ACSM5: variants seen among roughly 807,000 people sequenced by gnomAD.
ACSM5 encodes acyl-CoA synthetase medium chain family member 5.
ACSM5 carries 56 observed loss-of-function variants against 71.6 expected under a neutral mutation model. The observed-to-expected ratio is 0.78, with a 90% CI of 0.63 to 0.98. The LOEUF (loss-of-function observed/expected upper bound fraction) is 0.98. ACSM5 is among the 50% of genes least tolerant of loss of function. ACSM5 has a pLI of 0.00. For synonymous variants in ACSM5, 285 were observed against 281.5 expected, an observed-to-expected ratio of 1.01 and a Z score of -0.12; for missense variants, 723 against 726.0, an observed-to-expected ratio of 1.00 and a Z score of 0.05.
chr16:20,412,836 A>G (rs141403121), intron 2 of ACSM5, among the ~76,000 whole-genome samples: 1 of 152,376 alleles, frequency 6.6e-6, no homozygotes, highest in Non-Finnish European at 1.5e-5. Context: ...CATGTTAATT[A>G]TAAGAAGAGA....
intron 10 of ACSM5, among the ~76,000 whole-genome samples, chr16:20,432,798 G>A (rs900850084): frequency 3.6e-5 from 4 of 111,448 alleles, no homozygotes; most frequent in African/African-American, 1.5e-4. Flanking sequence ...TTTTTTGACT[G>A]TTTCTTTCCG....
rs148288622 is a variant in ACSM5, at chr16:20,429,625, G to A, written c.1002-53G>A. The A allele has an allele frequency of 6.5e-5, 105 of 1,610,412 alleles. 1 individual carries two copies. The highest frequency in any genetic ancestry group is 2.9e-4 in the South Asian group (26 of 90,794). On this transcript the variant is annotated intron_variant, in intron 7 of 13. Coordinates refer to ENST00000331849, the MANE Select transcript of ACSM5 (RefSeq NM_017888.3). ...CATCTGGGCAGTGGCACCAGAGGGCGGGGTGATATGAAGATCCTGACATAG... is the reference window on the plus strand; with the variant it reads ...CATCTGGGCAGTGGCACCAGAGGGCAGGGTGATATGAAGATCCTGACATAG...
intron 12 of ACSM5, among the ~76,000 whole-genome samples, chr16:20,439,390 C>T (rs1967269372): frequency 6.7e-6 from 1 of 150,112 alleles, no homozygotes; most frequent in Non-Finnish European, 1.5e-5. Context: ...CAAGTGCCTG[C>T]ATTTTCCTCA....
intron 10 of ACSM5, among the ~76,000 whole-genome samples, chr16:20,436,404 C>T (rs1270898066): frequency 1.3e-5 from 2 of 152,024 alleles, no homozygotes; most frequent in East Asian, 3.9e-4. Context: ...ACAGCCTCGC[C>T]CTATAGCCCA....
intron 2 of ACSM5, among the ~76,000 whole-genome samples, chr16:20,414,201 C>A (rs1255466226): frequency 6.6e-6 from 1 of 152,148 alleles, no homozygotes; most frequent in Non-Finnish European, 1.5e-5. Flanking sequence ...GATTTTTATA[C>A]CTTAATCCCT....
chr16:20,431,351 A>G, intron 10 of ACSM5, 30 bp downstream of exon 10: 1 of 1,548,444 alleles, frequency 6.5e-7, no homozygotes, highest in Non-Finnish European at 8.9e-7. Flanking sequence ...CGTTCTCATG[A>G]CAGTGACTGT....
At chr16:20,438,034 C>T (rs1406541835) in intron 12 of ACSM5, among the ~76,000 whole-genome samples, 1 of 151,912 alleles carries the variant, frequency 6.6e-6, no homozygotes, top group Non-Finnish European at 1.5e-5. Context: ...CCTTGTTGGC[C>T]AGGCTGGAGG....
chr16:20,429,215 G>C (rs140651975), intron 7 of ACSM5, among the ~76,000 whole-genome samples: 5 of 152,032 alleles, frequency 3.3e-5, no homozygotes, highest in Non-Finnish European at 7.4e-5. Context: ...GTTTTACCAC[G>C]TTGACCAGGC....
intron 4 of ACSM5, 153 bp downstream of exon 4, chr16:20,419,588 C>T (rs1274408293): frequency 4.2e-6 from 3 of 707,362 alleles, no homozygotes; most frequent in Non-Finnish European, 7.1e-6. Context: ...TAATCCTGGT[C>T]CCTACCTTAA....
At chr16:20,429,183 A>G (rs889202074) in intron 7 of ACSM5, among the ~76,000 whole-genome samples, 5 of 151,802 alleles carry the variant, frequency 3.3e-5, no homozygotes, top group Non-Finnish European at 7.4e-5. Flanking sequence ...GCTAATTTTT[A>G]GTATTTTTCG....
In ACSM5 at chr16:20,440,592, C is replaced by A; in HGVS notation, c.*165C>A. 2 of 631,256 alleles carry A rather than the reference C, an allele frequency of 3.2e-6. No homozygotes were observed. Among genetic ancestry groups the A allele is most frequent in the Non-Finnish European group, 5.7e-6 (2 of 351,646 alleles). The allele number at this position is 631,256 out of a possible 1,614,324, so 39.1% of individuals were successfully genotyped here. On this transcript the variant is annotated 3_prime_UTR_variant, in exon 14 of 14. Coordinates refer to ENST00000331849, the MANE Select transcript of ACSM5 (RefSeq NM_017888.3). The stretch of plus-strand genomic sequence containing the variant: ...GATCACTGGGCAATGCTGGAAAGAG[C>A]AAAAGAATATCATTGGCCCTGATCA...
intron 7 of ACSM5, among the ~76,000 whole-genome samples, chr16:20,428,227 C>T (rs66989570): frequency 0.23 from 34,345 of 152,160 alleles, 4,560 homozygotes; most frequent in East Asian, 0.39. Context: ...GTGTCTGCTA[C>T]TTCTGTGAGG....
intron 12 of ACSM5, among the ~76,000 whole-genome samples, chr16:20,439,392 T>C (rs1307285845): frequency 6.7e-6 from 1 of 150,142 alleles, no homozygotes. Context: ...AGTGCCTGCA[T>C]TTTCCTCAAT....
chr16:20,410,264 T>C (rs2141635791), intron 1 of ACSM5, among the ~76,000 whole-genome samples: 1 of 152,300 alleles, frequency 6.6e-6, no homozygotes, highest in Admixed American at 6.5e-5. Flanking sequence ...CTAAGAGGAA[T>C]TTAATGCAAG....
Position 20,421,302 on chromosome 16 carries a change from A to G in ACSM5, c.668A>G (p.Asp223Gly). The change falls in exon 5 of 14, where the codon GAC becomes GGC. Residue 223 changes from aspartate to glycine, a missense_variant. Asp to Gly is a moderately conservative substitution (Grantham distance 94). Transcript: ENST00000331849. The stretch of plus-strand genomic sequence containing the variant: ...AACTGCATGAGGACAAAGAGTCGAG[A>G]CCCGCTGGCCATCTACTTTACCAGC... ...EHNCMRTKSR[D>G]PLAIYFTSGT... 6.2e-7 allele frequency: 1 copy of G among 1,606,630 alleles called. No individual in the cohort carries two copies.
chr16:20,417,976 A>G (rs1354997903), intron 2 of ACSM5, 83 bp from the exon 3 acceptor site: 4 of 1,299,148 alleles, frequency 3.1e-6, no homozygotes, highest in Middle Eastern at 2.7e-4. Context: ...TATATTAACT[A>G]TTATAAAACA....
At chr16:20,426,367 C>G (rs1966980335) in intron 6 of ACSM5, among the ~76,000 whole-genome samples, 1 of 152,148 alleles carries the variant, frequency 6.6e-6, no homozygotes, top group African/African-American at 2.4e-5. Flanking sequence ...CTCACAGTTT[C>G]TGATGGTCAG....
Position 20,412,099 on chromosome 16 carries a change from A to G in ACSM5, c.204+411A>G, listed in dbSNP as rs150277745. 2.5e-3 allele frequency: 482 copies of G among 189,488 alleles called. 3 individuals are homozygous for G. Among genetic ancestry groups the G allele is most frequent in the African/African-American group, 0.011 (469 of 42,492 alleles). The allele number at this position is 189,488 out of a possible 1,614,324, so 11.7% of individuals were successfully genotyped here. The stretch of plus-strand genomic sequence containing the variant: ...GGTGGCTCATGACCATAATCCCAGC[A>G]CTTTGGGACACCGAGAAGGGCAGAT... On this transcript the variant is annotated intron_variant, in intron 2 of 13. Transcript: ENST00000331849.
chr16:20,419,841 C>T (rs374064758), intron 4 of ACSM5: 13 of 239,718 alleles, frequency 5.4e-5, no homozygotes, highest in South Asian at 4.2e-4. Context: ...ATTCATGCAG[C>T]GAAGATTTAA....
Sources: gnomAD v4.1 joint callset for allele counts (sites outside exome capture counted in the v4.1 genomes callset) on GRCh38, gnomAD v4.1.1 for gene constraint, MANE v1.5 for transcripts, NCBI Gene and HGNC (gene_info 2026-07-23, HGNC 2026-07-21) for gene names.